GABRB2: variants seen among roughly 807,000 people sequenced by gnomAD.
GABRB2 encodes gamma-aminobutyric acid receptor subunit beta-2.
GABRB2 carries 16 observed loss-of-function variants against 54.7 expected under a neutral mutation model. The ratio of observed to expected loss-of-function variants is 0.29; its 90% CI spans 0.20 to 0.44. The LOEUF (loss-of-function observed/expected upper bound fraction) is 0.44. Ranked by LOEUF, GABRB2 falls within the 20% of genes least tolerant of loss-of-function variation. GABRB2 has a pLI of 1.00. For missense variants in GABRB2, 355 were observed against 644.0 expected (o/e 0.55, Z 4.86); for synonymous variants, 244 against 233.8 (o/e 1.04, Z -0.40).
chr5:161,516,320 G>A (rs1169340756), intron 3 of GABRB2, among the ~76,000 whole-genome samples: 1 of 152,064 alleles, frequency 6.6e-6, no homozygotes, highest in East Asian at 1.9e-4. Context: ...TTCATTTAAT[G>A]CTCATAACAA....
At chr5:161,507,004 C>T (rs891179635) in intron 3 of GABRB2, among the ~76,000 whole-genome samples, 2 of 151,954 alleles carry the variant, frequency 1.3e-5, no homozygotes, top group Admixed American at 6.6e-5. Flanking sequence ...TTGACTAGGA[C>T]GTAGAAATTA....
intron 5 of GABRB2, among the ~76,000 whole-genome samples, chr5:161,366,616 C>G (rs1169309801): frequency 6.6e-6 from 1 of 152,038 alleles, no homozygotes; most frequent in Non-Finnish European, 1.5e-5. Flanking sequence ...AGAATCCACG[C>G]AAAAATGCAT....
intron 5 of GABRB2, among the ~76,000 whole-genome samples, chr5:161,353,346 G>T (rs1337289762): frequency 6.6e-6 from 1 of 152,028 alleles, no homozygotes; most frequent in Non-Finnish European, 1.5e-5. Flanking sequence ...ACTGGACAGA[G>T]TAGTAAAGGA....
chr5:161,494,933 C>T (rs1478213816), intron 3 of GABRB2, among the ~76,000 whole-genome samples: 1 of 151,712 alleles, frequency 6.6e-6, no homozygotes, highest in African/African-American at 2.4e-5. Flanking sequence ...AAAATATAAG[C>T]CTATATAAAG....
rs761701552 is a variant in GABRB2, at chr5:161,470,328, T to C, written c.238-10484A>G. On this transcript the variant is annotated intron_variant, in intron 3 of 9. Coordinates refer to ENST00000393959, the MANE Select transcript of GABRB2 (RefSeq NM_001371727.1). ...TGAGGGACACGTATCAAGACCCCCA[T>C]TGGATGTCTGAAGCCACAGATAGTG... Among the ~76,000 whole-genome samples the C allele has an allele frequency of 5.3e-5, 8 of 152,048 alleles. No individual in the cohort carries two copies. The East Asian group carries it at 9.7e-4, about 18-fold the overall frequency.
At chr5:161,485,216 G>C (rs1382057000) in intron 3 of GABRB2, among the ~76,000 whole-genome samples, 3 of 151,884 alleles carry the variant, frequency 2.0e-5, no homozygotes, top group Non-Finnish European at 4.4e-5. Flanking sequence ...ACGCCTTCCA[G>C]TATACTGTCA....
At chr5:161,377,151 A>G (rs1755331210) in intron 5 of GABRB2, among the ~76,000 whole-genome samples, 1 of 152,170 alleles carries the variant, frequency 6.6e-6, no homozygotes, top group Non-Finnish European at 1.5e-5. Context: ...AAGTTTTGGT[A>G]AATGATCTTT....
chr5:161,430,544 T>C (rs1343354990), intron 4 of GABRB2, among the ~76,000 whole-genome samples: 1 of 152,108 alleles, frequency 6.6e-6, no homozygotes, highest in Non-Finnish European at 1.5e-5. Context: ...AGTTTGCTTG[T>C]CTTTAAAATG....
chr5:161,528,963 C>T (rs1760370128), intron 3 of GABRB2, among the ~76,000 whole-genome samples: 1 of 151,784 alleles, frequency 6.6e-6, no homozygotes, highest in Non-Finnish European at 1.5e-5. Flanking sequence ...GGTATGCCAC[C>T]TCATTAAAAT....
At chr5:161,480,090 T>C (rs1234436993) in intron 3 of GABRB2, among the ~76,000 whole-genome samples, 1 of 152,040 alleles carries the variant, frequency 6.6e-6, no homozygotes, top group Non-Finnish European at 1.5e-5. Flanking sequence ...GTTATCGTTT[T>C]GAGGCCATCA....
intron 5 of GABRB2, among the ~76,000 whole-genome samples, chr5:161,381,375 T>C (rs1755462544): frequency 6.6e-6 from 1 of 152,194 alleles, no homozygotes. Context: ...AGTATCATTA[T>C]AAGAATTTAT....
chr5:161,521,039 T>C (rs1760096983), intron 3 of GABRB2, among the ~76,000 whole-genome samples: 1 of 152,062 alleles, frequency 6.6e-6, no homozygotes, highest in Non-Finnish European at 1.5e-5. Context: ...CAACACTTAA[T>C]TGAATGTGTC....
At position 161,302,510 on chromosome 5, in the gene GABRB2, C is replaced by A. The variant is rs192232417; in HGVS notation, c.1192-8082G>T. 1.8e-3 allele frequency among the ~76,000 whole-genome samples: 273 copies of A among 152,266 alleles called. 1 individual carries two copies. Among genetic ancestry groups the A allele is most frequent in the African/African-American group, 6.3e-3 (261 of 41,554 alleles). On this transcript the variant is annotated intron_variant, in intron 9 of 9. Coordinates refer to ENST00000393959, the MANE Select transcript of GABRB2 (RefSeq NM_001371727.1). ...AAATCCCTCAATAACCTAACAACAT[C>A]ACAGGCTTACCTTGCAAAGGGGAAA...
intron 3 of GABRB2, among the ~76,000 whole-genome samples, chr5:161,485,887 G>A (rs962035400): frequency 5.3e-5 from 8 of 151,956 alleles, no homozygotes; most frequent in African/African-American, 1.9e-4. Flanking sequence ...AGTGGGTGTG[G>A]GGGTGCATTA....
chr5:161,404,878 C>T (rs1295663190), intron 5 of GABRB2, among the ~76,000 whole-genome samples: 1 of 152,078 alleles, frequency 6.6e-6, no homozygotes, highest in Non-Finnish European at 1.5e-5. Flanking sequence ...GCCAAGTAAC[C>T]CTTAACCTAC....
intron 5 of GABRB2, among the ~76,000 whole-genome samples, chr5:161,400,047 C>G (rs183209522): frequency 1.3e-4 from 20 of 152,060 alleles, no homozygotes; most frequent in African/African-American, 4.8e-4. Context: ...AAAACTAGCA[C>G]GCATTATTGA....
At chr5:161,535,591 T>C (rs1289661785) in intron 3 of GABRB2, among the ~76,000 whole-genome samples, 2 of 152,232 alleles carry the variant, frequency 1.3e-5, no homozygotes, top group African/African-American at 2.4e-5. Flanking sequence ...TTGCTAGCTA[T>C]GTGACCTTGA....
At chr5:161,299,893 A>G (rs1195156639) in intron 9 of GABRB2, among the ~76,000 whole-genome samples, 1 of 152,152 alleles carries the variant, frequency 6.6e-6, no homozygotes, top group African/African-American at 2.4e-5. Context: ...CAAAACTCAA[A>G]TTTTCTTATA....
chr5:161,486,918 A>G (rs1358380389), intron 3 of GABRB2, among the ~76,000 whole-genome samples: 2 of 151,934 alleles, frequency 1.3e-5, no homozygotes, highest in East Asian at 3.9e-4. Context: ...CTCTGAAGTC[A>G]GGTAGAGAAA....
Sources: gnomAD v4.1 joint callset for allele counts (sites outside exome capture counted in the v4.1 genomes callset) on GRCh38, gnomAD v4.1.1 for gene constraint, MANE v1.5 for transcripts, NCBI Gene and HGNC (gene_info 2026-07-23, HGNC 2026-07-21) for gene names.